TMC6: variants seen among roughly 807,000 people sequenced by gnomAD.
TMC6 encodes transmembrane channel-like protein 6.
In TMC6, 71 loss-of-function variants were observed where a neutral mutation model predicts 95.4. That is an observed-to-expected ratio of 0.74 (90% CI 0.61 to 0.91). TMC6 has a LOEUF of 0.91. TMC6 is among the 40% of genes least tolerant of loss of function. The probability of loss-of-function intolerance (pLI) is 0.00; values close to 1 mark genes in which losing one functional copy is unlikely to be tolerated. For synonymous variants in TMC6, 514 were observed against 483.1 expected, an observed-to-expected ratio of 1.06 and a Z score of -0.84; for missense variants, 1,074 against 1,079.1, an observed-to-expected ratio of 1.00 and a Z score of 0.07.
In TMC6 at chr17:78,125,217, T is replaced by G. The variant is rs111993532; in HGVS notation, c.477A>C (p.Ala159=). The G allele has an allele frequency of 1.4e-5, 22 of 1,590,850 alleles. No homozygotes were observed. The African/African-American group carries it at 2.1e-4, about 15-fold the overall frequency. ...LVKELQSLAV[A]QRDHMLRGMP... The stretch of plus-strand genomic sequence containing the variant: ...TCCCGCGAAGCATGTGGTCCCGCTG[T>G]GCCACTGCCAGGCTCTGGAGCTCCT... Residue 159 remains alanine (A), a synonymous_variant, in exon 6 of 20, where the codon GCA becomes GCC. Transcript: ENST00000590602.
chr17:78,115,482 A>G (rs1054029087), intron 18 of TMC6, among the ~76,000 whole-genome samples: 2 of 152,082 alleles, frequency 1.3e-5, no homozygotes, highest in Non-Finnish European at 2.9e-5. Context: ...AAGCCACAGG[A>G]CCTGCTTCAC....
rs1333325100 is a variant in TMC6 at position 78,122,916 on chromosome 17, T to A, written c.1083-167A>T. ...CACCCCTGCCCCACCACCAGCCCTC[T>A]ACACCAGTCTCATCCAACATAGCAC... On this transcript the variant is annotated intron_variant, in intron 9 of 19. Coordinates refer to ENST00000590602, the MANE Select transcript of TMC6 (RefSeq NM_001127198.5). The surrounding 1 kb of genome is among the most constrained non-coding windows in gnomAD (Gnocchi z 4.9). 1 of 871,272 alleles carries A rather than the reference T, an allele frequency of 1.1e-6. No homozygotes were observed. The highest frequency in any genetic ancestry group is 1.8e-6 in the Non-Finnish European group (1 of 551,982). The allele number at this position is 871,272 out of a possible 1,614,324, so 54.0% of individuals were successfully genotyped here.
chr17:78,115,987 C>T (rs73374937), intron 18 of TMC6, among the ~76,000 whole-genome samples: 19,832 of 147,958 alleles, frequency 0.13, 3,143 homozygotes, highest in African/African-American at 0.35. Context: ...GTATGGGGTC[C>T]GACCCCCTTC....
chr17:78,119,207 GC>G, intron 14 of TMC6, 89 bp downstream of exon 14: 1 of 1,552,602 alleles, frequency 6.4e-7, no homozygotes, highest in Non-Finnish European at 8.9e-7. Context: ...CCTGGCTGTG[GC>G]CCCAGGGGGA....
Position 78,119,055 on chromosome 17 carries a change from G to A in TMC6, c.1812-9C>T, listed in dbSNP as rs112967662. 6.4e-7 allele frequency: 1 copy of A among 1,574,138 alleles called. No individual in the cohort carries two copies. Among genetic ancestry groups the A allele is most frequent in the African/African-American group, 1.4e-5 (1 of 73,728 alleles). On this transcript the variant is annotated splice_polypyrimidine_tract_variant and intron_variant, in intron 14 of 19. Coordinates refer to ENST00000590602, the MANE Select transcript of TMC6 (RefSeq NM_001127198.5). ...AGAAGAGCACCCCCAGCCTGGGGAG[G>A]GGGTGGCAGTTCAGGGGCTGCTCCA...
In TMC6 at chr17:78,122,831, G is replaced by C; in HGVS notation, c.1083-82C>G. ...GGGAGAAGGCAGACCGGATGCTCTG[G>C]GCAGCCAGACCCCACCACCCACTCA... On this transcript the variant is annotated intron_variant, in intron 9 of 19. Coordinates refer to ENST00000590602, the MANE Select transcript of TMC6 (RefSeq NM_001127198.5). This position sits in a 1 kb window ranked among gnomAD's most constrained non-coding sequence, Gnocchi z 4.9. The C allele has an allele frequency of 2.6e-6, 4 of 1,546,680 alleles. No individual in the cohort carries two copies. Among genetic ancestry groups the C allele is most frequent in the Non-Finnish European group, 3.5e-6 (4 of 1,152,488 alleles).
upstream of TMC6, chr17:78,131,456 G>A (rs2074962611): frequency 1.5e-6 from 2 of 1,316,738 alleles, no homozygotes; most frequent in South Asian, 2.5e-5. Context: ...CCGGCGCAGA[G>A]GGGACGGAAG....
Position 78,119,054 on chromosome 17 carries a change from G to T in TMC6, c.1812-8C>A, listed in dbSNP as rs750148797. ...GAGAAGAGCACCCCCAGCCTGGGGAGGGGGTGGCAGTTCAGGGGCTGCTCC... is the reference window on the plus strand; with the variant it reads ...GAGAAGAGCACCCCCAGCCTGGGGATGGGGTGGCAGTTCAGGGGCTGCTCC... On this transcript the variant is annotated splice_region_variant and splice_polypyrimidine_tract_variant and intron_variant, in intron 14 of 19. Coordinates refer to ENST00000590602, the MANE Select transcript of TMC6 (RefSeq NM_001127198.5). The T allele has an allele frequency of 1.9e-6, 3 of 1,574,262 alleles. No individual in the cohort carries two copies. The South Asian group carries it at 3.5e-5, about 18-fold the overall frequency.
intron 15 of TMC6, 163 bp from the exon 16 acceptor site, chr17:78,118,098 G>T: frequency 1.5e-6 from 2 of 1,294,344 alleles, no homozygotes; most frequent in South Asian, 1.4e-5. Context: ...ACAGAAGCCT[G>T]CCGGTCACTT....
At chr17:78,127,095 C>T (rs1440822827) in intron 1 of TMC6, 189 bp from the exon 2 acceptor site, 3 of 591,470 alleles carry the variant, frequency 5.1e-6, no homozygotes, top group Admixed American at 5.8e-5. Context: ...AATGGGGGGC[C>T]CCCTCCAGTG....
chr17:78,117,726 A>G, intron 16 of TMC6, 76 bp downstream of exon 16: 1 of 1,565,382 alleles, frequency 6.4e-7, no homozygotes, highest in Non-Finnish European at 8.7e-7. Flanking sequence ...TGCACCCCTA[A>G]GCCTTGGGCC....
In TMC6 at chr17:78,117,258, G is replaced by A. The variant is rs746740623; in HGVS notation, c.2277+11C>T. ...GGTGGGGGCTGAGAGCAGCCCAGGA[G>A]GGGCACTCACATTGCTGATCTGCTC... On this transcript the variant is annotated intron_variant, in intron 18 of 19. Transcript: ENST00000590602. 2.2e-5 allele frequency: 36 copies of A among 1,613,358 alleles called. No homozygotes were observed. The South Asian group carries it at 2.9e-4, about 13-fold the overall frequency.
chr17:78,114,277 C>T (rs1462298822), intron 18 of TMC6, among the ~76,000 whole-genome samples: 1 of 152,164 alleles, frequency 6.6e-6, no homozygotes, highest in Non-Finnish European at 1.5e-5. Context: ...ACCACTCTGA[C>T]CCTGACACTC....
rs560334841 is a variant in TMC6, at chr17:78,121,752, C to T, written c.1228-41G>A. On this transcript the variant is annotated intron_variant, in intron 10 of 19. Coordinates refer to ENST00000590602, the MANE Select transcript of TMC6 (RefSeq NM_001127198.5). The surrounding 1 kb of genome is among the most constrained non-coding windows in gnomAD (Gnocchi z 5.6). ...TGTCCCCGTCACCCACACCAGAGCACGGGCACACGCAGACGTGCAGACACA... is the reference window on the plus strand; with the variant it reads ...TGTCCCCGTCACCCACACCAGAGCATGGGCACACGCAGACGTGCAGACACA... 9.1e-6 allele frequency: 14 copies of T among 1,543,152 alleles called. No homozygotes were observed. Among genetic ancestry groups the T allele is most frequent in the Admixed American group, 2.0e-5 (1 of 51,266 alleles).
Position 78,117,562 on chromosome 17 carries a change from C to A in TMC6, c.2104G>T (p.Glu702Ter), listed in dbSNP as rs1469534203. ...EAGRVWVRHLEAAGPRVSWLP... is the reference protein window; with the variant it reads ...EAGRVWVRHL ...CAGGAGACCCTGGGGCCTGCCGCCT[C>A]CAGGTGGCGCACCCACACCCTGCCG... is the stretch of plus-strand genomic sequence containing the variant. Residue 702 changes from glutamate (E) to a stop codon, truncating the protein, a stop_gained, in exon 17 of 20, where the codon GAG becomes TAG. Transcript: ENST00000590602. LOFTEE classifies it high-confidence loss of function. 6.3e-7 allele frequency: 1 copy of A among 1,593,378 alleles called. No homozygotes were observed. The highest frequency in any genetic ancestry group is 8.5e-7 in the Non-Finnish European group (1 of 1,171,534).
At chr17:78,124,812 T>C in intron 7 of TMC6, 31 bp from the exon 8 acceptor site, 2 of 1,578,232 alleles carry the variant, frequency 1.3e-6, no homozygotes, top group Non-Finnish European at 1.7e-6. Context: ...GCCCTGAGGG[T>C]GAGGCCGGAG....
In TMC6 at chr17:78,121,949, C is replaced by T. The variant is rs2074435582; in HGVS notation, c.1228-238G>A. Among the ~76,000 whole-genome samples the T allele has an allele frequency of 6.6e-6, 1 of 152,088 alleles. No individual in the cohort carries two copies. Among genetic ancestry groups the T allele is most frequent in the Admixed American group, 6.5e-5 (1 of 15,274 alleles). ...CTGTGCCTGGGCTGGCGTTCACTCC[C>T]GAGGCCTGCCTCAACCCCTCTCCAC... On this transcript the variant is annotated intron_variant, in intron 10 of 19. Coordinates refer to ENST00000590602, the MANE Select transcript of TMC6 (RefSeq NM_001127198.5). The surrounding 1 kb of genome is among the most constrained non-coding windows in gnomAD (Gnocchi z 5.6).
chr17:78,126,179 C>A, intron 4 of TMC6, 98 bp downstream of exon 4: 1 of 1,472,908 alleles, frequency 6.8e-7, no homozygotes. Flanking sequence ...GGAGCAGCCA[C>A]TACCCAGGGA....
At position 78,109,194 on chromosome 17, in the gene TMC6, AGT is replaced by A; in HGVS notation, c.*3952_*3953del. The A allele has an allele frequency of 2.9e-6, 1 of 340,122 alleles. No homozygotes were observed. The highest frequency in any genetic ancestry group is 2.2e-5 in the South Asian group (1 of 44,470). The allele number at this position is 340,122 out of a possible 1,614,324, so 21.1% of individuals were successfully genotyped here. ...GAAAGCACAGTGCCCAGCAGCTAGC[AGT>A]GTGGCGTGCCAAGAAGGCTGTTCCA... On this transcript the variant is annotated 3_prime_UTR_variant, in exon 20 of 20. Coordinates refer to ENST00000590602, the MANE Select transcript of TMC6 (RefSeq NM_001127198.5).
Sources: allele counts gnomAD v4.1 joint callset (sites outside exome capture counted in the v4.1 genomes callset), GRCh38; gene constraint gnomAD v4.1.1; non-coding constraint Gnocchi (gnomAD v3.1); transcripts MANE v1.5; gene names NCBI Gene and HGNC (gene_info 2026-07-23, HGNC 2026-07-21).